C12orf42: variants seen among roughly 807,000 people sequenced by gnomAD.
The protein encoded by C12orf42 is chromosome 12 open reading frame 42.
A neutral mutation model predicts 21.6 loss-of-function variants in C12orf42; 25 were observed. The observed-to-expected ratio is 1.16, with a 90% CI of 0.84 to 1.62. C12orf42 has a LOEUF of 1.62. Among genes scored for constraint, C12orf42 ranks in the 40% most tolerant of loss-of-function variants. The pLI is 0.00. For synonymous variants in C12orf42, 174 were observed against 175.0 expected (o/e 0.99, Z 0.05); for missense variants, 483 against 459.3 (o/e 1.05, Z -0.47).
At chr12:103,233,793 T>G (rs1383802607), downstream of C12orf42, among the ~76,000 whole-genome samples, 1 of 152,224 alleles carries the variant, frequency 6.6e-6, no homozygotes, top group East Asian at 1.9e-4. Context: ...TATTTCTTAA[T>G]TCCCAATCCA....
chr12:103,193,003 T>A, the C12orf42 span, among the ~76,000 whole-genome samples: 1 of 152,094 alleles, frequency 6.6e-6, no homozygotes, highest in African/African-American at 2.4e-5. Context: ...ACAAAACAAA[T>A]CTTAACAAAT....
At chr12:103,248,958 CAT>C (rs1367197657) in intron 10 of C12orf42, among the ~76,000 whole-genome samples, 2 of 151,836 alleles carry the variant, frequency 1.3e-5, no homozygotes, top group African/African-American at 4.8e-5. Context: ...TCTGTGAATA[CAT>C]AGATTGAAGA....
intron 1 of C12orf42, among the ~76,000 whole-genome samples, chr12:103,483,190 G>A (rs1367246127): frequency 1.3e-5 from 2 of 152,090 alleles, no homozygotes; most frequent in African/African-American, 4.8e-5. Flanking sequence ...AGCACCAAGA[G>A]TGAACTCTAA....
At chr12:103,500,575 G>A (rs1040619424), upstream of C12orf42, among the ~76,000 whole-genome samples, 8 of 152,318 alleles carry the variant, frequency 5.3e-5, no homozygotes, top group African/African-American at 1.9e-4. Flanking sequence ...AAATTCACAT[G>A]ATGAAGATAC....
At chr12:103,223,804 G>A in the C12orf42 span, among the ~76,000 whole-genome samples, 197 of 152,300 alleles carry the variant, frequency 1.3e-3, 1 homozygote, top group African/African-American at 4.6e-3. Flanking sequence ...GTAGCATTCC[G>A]AGGACAGGCC....
the C12orf42 span, among the ~76,000 whole-genome samples, chr12:103,512,786 G>A: frequency 2.6e-5 from 4 of 151,930 alleles, no homozygotes; most frequent in Admixed American, 6.6e-5. Context: ...GGTGGATCAC[G>A]AGGTCAGGAG....
At chr12:103,149,080 C>A in the C12orf42 span, among the ~76,000 whole-genome samples, 1 of 152,252 alleles carries the variant, frequency 6.6e-6, no homozygotes, top group East Asian at 1.9e-4. Flanking sequence ...TACTTGATAC[C>A]TAAATATTTA....
chr12:103,430,172 G>A (rs1211464869), intron 2 of C12orf42, among the ~76,000 whole-genome samples: 1 of 152,170 alleles, frequency 6.6e-6, no homozygotes, highest in Admixed American at 6.5e-5. Context: ...AGAGTGAACA[G>A]GCAACTTACA....
At chr12:103,388,201 T>C (rs2046781319) in intron 3 of C12orf42, among the ~76,000 whole-genome samples, 1 of 152,208 alleles carries the variant, frequency 6.6e-6, no homozygotes, top group African/African-American at 2.4e-5. Context: ...TGCCATCTGC[T>C]AGGCCATTCC....
chr12:103,079,831 T>C, the C12orf42 span, among the ~76,000 whole-genome samples: 3,453 of 152,290 alleles, frequency 0.023, 58 homozygotes, highest in African/African-American at 0.044. Flanking sequence ...ATTTCTGTCC[T>C]GAAGTGAAGA....
chr12:103,516,854 A>G, the C12orf42 span, among the ~76,000 whole-genome samples: 2 of 152,354 alleles, frequency 1.3e-5, no homozygotes, highest in Middle Eastern at 3.4e-3. Flanking sequence ...AGTTATTGGT[A>G]TCACACAAAT....
chr12:103,337,895 A>G (rs2041848623), intron 4 of C12orf42, among the ~76,000 whole-genome samples: 1 of 152,080 alleles, frequency 6.6e-6, no homozygotes, highest in Non-Finnish European at 1.5e-5. Context: ...ATTTGCCAAG[A>G]TTCAATCAAG....
chr12:103,502,906 T>C, the C12orf42 span, among the ~76,000 whole-genome samples: 1 of 152,220 alleles, frequency 6.6e-6, no homozygotes, highest in East Asian at 1.9e-4. Flanking sequence ...CTCATGAGTT[T>C]TGATAGTCCA....
At chr12:103,221,017 G>A in the C12orf42 span, among the ~76,000 whole-genome samples, 2 of 152,190 alleles carry the variant, frequency 1.3e-5, no homozygotes, top group Admixed American at 1.3e-4. Flanking sequence ...GGATTAACCT[G>A]CTTTGTTGCT....
At chr12:103,160,998 C>G in the C12orf42 span, among the ~76,000 whole-genome samples, 1 of 152,214 alleles carries the variant, frequency 6.6e-6, no homozygotes, top group Non-Finnish European at 1.5e-5. Flanking sequence ...CTGATTTAGA[C>G]AACCTATGTG....
chr12:103,287,700 TATA>T (rs1256479807), intron 4 of C12orf42, among the ~76,000 whole-genome samples: 2 of 145,556 alleles, frequency 1.4e-5, no homozygotes, highest in South Asian at 2.1e-4. Context: ...AAACTTAAAG[TATA>T]ATAATAAAAA....
At chr12:103,552,217 A>T in the C12orf42 span, among the ~76,000 whole-genome samples, 1 of 152,178 alleles carries the variant, frequency 6.6e-6, no homozygotes, top group African/African-American at 2.4e-5. Context: ...TTGTAGTGTG[A>T]ACACTGGTGA....
the C12orf42 span, among the ~76,000 whole-genome samples, chr12:103,522,078 C>A: frequency 6.6e-6 from 1 of 152,126 alleles, no homozygotes. Context: ...CCAAATCTCA[C>A]CTTGAATTGC....
At chr12:103,526,987 G>A in the C12orf42 span, among the ~76,000 whole-genome samples, 1 of 152,118 alleles carries the variant, frequency 6.6e-6, no homozygotes, top group Non-Finnish European at 1.5e-5. Flanking sequence ...TGTATTTGGC[G>A]TTAGTGGTTC....
Sources: gnomAD v4.1 joint callset for allele counts (sites outside exome capture counted in the v4.1 genomes callset) on GRCh38, gnomAD v4.1.1 for gene constraint, MANE v1.5 for transcripts, NCBI Gene and HGNC (gene_info 2026-07-23, HGNC 2026-07-21) for gene names.